Variants in UGT2A1 observed in about 807,000 individuals in gnomAD.
UGT2A1 encodes the protein UDP glucuronosyltransferase family 2 member A1 complex locus, also known as UDP-glucuronosyltransferase 2A1.
Under a neutral mutation model 45.4 loss-of-function variants are expected in UGT2A1, and 61 were observed. The ratio of observed to expected loss-of-function variants is 1.34; its 90% CI spans 1.09 to 1.66. The LOEUF is 1.66. Ranked by LOEUF, UGT2A1 falls within the 40% of genes most tolerant of loss-of-function variation. The pLI, the probability that UGT2A1 is intolerant of heterozygous loss-of-function variation, is 0.00. For synonymous variants in UGT2A1, 229 were observed against 196.2 expected (o/e 1.17, Z -1.40); for missense variants, 649 against 574.3 (o/e 1.13, Z -1.33).
intron 6 of UGT2A1, among the ~76,000 whole-genome samples, chr4:69,590,693 T>A (rs1176714259): frequency 6.6e-6 from 1 of 151,758 alleles, no homozygotes; most frequent in Admixed American, 6.6e-5. Context: ...AAAAAGAATA[T>A]AAGTAAGTAA....
chr4:69,627,534 A>AAG (rs150318319), intron 3 of UGT2A1, among the ~76,000 whole-genome samples: 44,264 of 139,196 alleles, frequency 0.32, 7,016 homozygotes, highest in African/African-American at 0.37. Context: ...GAAAGAAAGA[A>AAG]AGAGAGAGAG....
intron 3 of UGT2A1, among the ~76,000 whole-genome samples, chr4:69,624,723 T>C (rs1201926853): frequency 2.6e-5 from 4 of 151,442 alleles, no homozygotes; most frequent in Admixed American, 2.6e-4. Flanking sequence ...TCTTCCCAGA[T>C]TTTGTGTTAT....
intron 1 of UGT2A1, among the ~76,000 whole-genome samples, chr4:69,652,475 G>C (rs1722577307): frequency 6.6e-6 from 1 of 151,414 alleles, no homozygotes; most frequent in Non-Finnish European, 1.5e-5. Context: ...GTAGAGACGG[G>C]GTTTCACCTG....
At chr4:69,589,708 A>C (rs1426410704) in intron 6 of UGT2A1, 57 bp from the exon 7 acceptor site, 5 of 1,558,650 alleles carry the variant, frequency 3.2e-6, no homozygotes, top group Non-Finnish European at 4.3e-6. Context: ...TTTTCATTGA[A>C]GATAAATATG....
chr4:69,643,212 C>T (rs949596017), intron 2 of UGT2A1, among the ~76,000 whole-genome samples: 3 of 151,050 alleles, frequency 2.0e-5, no homozygotes, highest in African/African-American at 7.3e-5. Flanking sequence ...TTTGACAAAT[C>T]AAAAATAGGC....
Position 69,638,545 on chromosome 4 carries a change from A to G in UGT2A1, c.716-2723T>C, listed in dbSNP as rs1721849440. On this transcript the variant is annotated intron_variant, in intron 2 of 6. Transcript: ENST00000286604. ...TAATGAAGGACAAAGGAGGCATGGT[A>G]AATCATGTATCACCTCGAAAATATT... Among the ~76,000 whole-genome samples the G allele has an allele frequency of 2.0e-5, 3 of 152,314 alleles. No individual in the cohort carries two copies. The South Asian group carries it at 6.2e-4, about 32-fold the overall frequency.
At chr4:69,628,683 G>GA (rs1207787870) in intron 3 of UGT2A1, among the ~76,000 whole-genome samples, 2 of 145,042 alleles carry the variant, frequency 1.4e-5, no homozygotes, top group Admixed American at 7.1e-5. Context: ...TTAAATGGGA[G>GA]AAAAAAATAA....
chr4:69,653,024 T>C (rs1722612273), intron 1 of UGT2A1, among the ~76,000 whole-genome samples, 164 bp downstream of exon 1: 1 of 152,132 alleles, frequency 6.6e-6, no homozygotes, highest in South Asian at 2.1e-4. Context: ...GAAAAATCCA[T>C]CAAATTATAA....
At chr4:69,644,567 T>C (rs1722172874) in intron 2 of UGT2A1, among the ~76,000 whole-genome samples, 1 of 151,738 alleles carries the variant, frequency 6.6e-6, no homozygotes, top group Admixed American at 6.6e-5. Context: ...TTCTCTGCTT[T>C]CTTTTAAGAT....
rs1236546499 is a variant in UGT2A1, at chr4:69,613,805, T to G, written c.848-14411A>C. ...CATGATTAAAAACTCTCAAAACAAC[T>G]GAGTATAGAAGGAACATAGCTCAAC... On this transcript the variant is annotated intron_variant, in intron 3 of 6. Coordinates refer to ENST00000286604, the MANE Select transcript of UGT2A1 (RefSeq NM_001252275.3). Among the ~76,000 whole-genome samples, 6 of 152,048 alleles carry G rather than the reference T, an allele frequency of 3.9e-5. No homozygotes were observed. In the East Asian group the frequency reaches 9.7e-4, roughly 25 times the overall value.
At chr4:69,610,212 G>T (rs1719954092) in intron 3 of UGT2A1, among the ~76,000 whole-genome samples, 1 of 151,274 alleles carries the variant, frequency 6.6e-6, no homozygotes, top group South Asian at 2.1e-4. Flanking sequence ...TAAAGTTCAT[G>T]AGTCAATCTT....
chr4:69,622,538 T>C (rs1042881798), intron 3 of UGT2A1, among the ~76,000 whole-genome samples: 1 of 151,808 alleles, frequency 6.6e-6, no homozygotes, highest in African/African-American at 2.4e-5. Flanking sequence ...ATCTATATAA[T>C]AGACTCAGGG....
At chr4:69,595,900 T>C (rs560179170) in intron 4 of UGT2A1, among the ~76,000 whole-genome samples, 2 of 152,342 alleles carry the variant, frequency 1.3e-5, no homozygotes, top group Non-Finnish European at 2.9e-5. Context: ...TCTCTTTTCC[T>C]GGACCATGGA....
chr4:69,631,029 A>G (rs1288979733), intron 3 of UGT2A1, among the ~76,000 whole-genome samples: 1 of 152,198 alleles, frequency 6.6e-6, no homozygotes, highest in Non-Finnish European at 1.5e-5. Flanking sequence ...ATATGAAATC[A>G]TCGACATAAG....
At chr4:69,639,192 T>G in intron 2 of UGT2A1, 1 of 1,613,698 alleles carries the variant, frequency 6.2e-7, no homozygotes, top group South Asian at 1.1e-5. Flanking sequence ...AAAACCACCT[T>G]TCTGAAGTCT....
In UGT2A1 at chr4:69,603,777, C is replaced by A. The variant is rs966720106; in HGVS notation, c.848-4383G>T. On this transcript the variant is annotated intron_variant, in intron 3 of 6. Transcript: ENST00000286604. ...AAGAACTACGTGACAAATGCACAAG[C>A]CTCAGTAGCCGATTCAATCAACTGG... 2.9e-5 allele frequency among the ~76,000 whole-genome samples: 4 copies of A among 136,678 alleles called. 1 individual carries two copies. The highest frequency in any genetic ancestry group is 1.2e-4 in the African/African-American group (4 of 33,724). The allele number at this position is 136,678 out of a possible 152,430, so 89.7% of individuals were successfully genotyped here. A position where few individuals can be genotyped will look rare whatever the true frequency, so the allele number is the denominator to read the frequency against.
chr4:69,598,672 A>C (rs1211295026), intron 4 of UGT2A1, among the ~76,000 whole-genome samples: 2 of 152,150 alleles, frequency 1.3e-5, no homozygotes, highest in African/African-American at 2.4e-5. Flanking sequence ...TACAGTAAAT[A>C]GGTCAGAAAC....
In UGT2A1 at chr4:69,604,395, C is replaced by T. The variant is rs937021786; in HGVS notation, c.848-5001G>A. Among the ~76,000 whole-genome samples, 13 of 136,284 alleles carry T rather than the reference C, an allele frequency of 9.5e-5. 2 individuals carry two copies. The highest frequency in any genetic ancestry group is 2.1e-4 in the East Asian group (1 of 4,868). The allele number at this position is 136,284 out of a possible 152,430, so 89.4% of individuals were successfully genotyped here. ...TGAGAGATTTTGTCACCACCAGGCC[C>T]GCCCTAAAAGAGCTCCTGAAGGAAG... is the stretch of plus-strand genomic sequence containing the variant. On this transcript the variant is annotated intron_variant, in intron 3 of 6. Coordinates refer to ENST00000286604, the MANE Select transcript of UGT2A1 (RefSeq NM_001252275.3).
intron 3 of UGT2A1, among the ~76,000 whole-genome samples, chr4:69,616,751 A>G (rs1421194530): frequency 6.6e-6 from 1 of 151,768 alleles, no homozygotes; most frequent in East Asian, 1.9e-4. Context: ...TAAATCCTCC[A>G]TTTAGTTGGA....
Sources: gnomAD v4.1 joint callset for allele counts (sites outside exome capture counted in the v4.1 genomes callset) on GRCh38, gnomAD v4.1.1 for gene constraint, MANE v1.5 for transcripts, NCBI Gene and HGNC (gene_info 2026-07-23, HGNC 2026-07-21) for gene names.